FBRSL1: variants seen among roughly 807,000 people sequenced by gnomAD.
FBRSL1 encodes fibrosin-1-like protein.
FBRSL1 carries 51 observed loss-of-function variants against 89.6 expected under a neutral mutation model. The observed-to-expected ratio is 0.57, with a 90% confidence interval of 0.45 to 0.72. The LOEUF is 0.72. Ranked by LOEUF, FBRSL1 falls within the 30% of genes least tolerant of loss-of-function variation. The pLI is 0.00. For synonymous variants in FBRSL1, 779 were observed against 681.1 expected (o/e 1.14, Z -2.24); for missense variants, 1,618 against 1,451.8 (o/e 1.11, Z -1.86).
At chr12:132,496,120 T>G in intron 1 of FBRSL1, among the ~76,000 whole-genome samples, 1 of 152,250 alleles carries the variant, frequency 6.6e-6, no homozygotes, top group East Asian at 1.9e-4. Context: ...ACCTTCGCGT[T>G]TGGGGCCTGG....
At chr12:132,493,190 C>A (rs1341577009) in intron 1 of FBRSL1, among the ~76,000 whole-genome samples, 1 of 152,236 alleles carries the variant, frequency 6.6e-6, no homozygotes, top group African/African-American at 2.4e-5. Flanking sequence ...ACACGGGACA[C>A]CGAGGGAGAT....
At position 132,546,918 on chromosome 12, in the gene FBRSL1, C is replaced by T. The variant is rs1478756459; in HGVS notation, c.616-1085C>T. On this transcript the variant is annotated intron_variant, in intron 4 of 18. Coordinates refer to ENST00000680143, the MANE Select transcript of FBRSL1 (RefSeq NM_001367871.1). The surrounding 1 kb of genome is among the most constrained non-coding windows in gnomAD (Gnocchi z 4.0). ...CGGCTGCACATGGAGGGTGGCTGTG[C>T]GTTTGGTTCCCTGCATTAACCCAGT... Among the ~76,000 whole-genome samples, 1 of 152,228 alleles carries T rather than the reference C, an allele frequency of 6.6e-6. No homozygotes were observed. The highest frequency in any genetic ancestry group is 1.5e-5 in the Non-Finnish European group (1 of 68,042).
intron 9 of FBRSL1, 59 bp downstream of exon 9, chr12:132,571,290 C>A: frequency 3.3e-6 from 5 of 1,515,726 alleles, no homozygotes; most frequent in Non-Finnish European, 4.5e-6. Context: ...CTGTCTCTCT[C>A]TCTTTTTCTC....
chr12:132,501,241 G>A (rs549732661), intron 1 of FBRSL1, among the ~76,000 whole-genome samples: 12 of 152,340 alleles, frequency 7.9e-5, no homozygotes, highest in Admixed American at 2.6e-4. Flanking sequence ...CCCAGGGGTC[G>A]TCAGTTCTGT....
intron 5 of FBRSL1, among the ~76,000 whole-genome samples, chr12:132,548,945 C>G (rs1335373161): frequency 6.6e-6 from 1 of 152,226 alleles, no homozygotes; most frequent in Non-Finnish European, 1.5e-5. Flanking sequence ...ATGAATGGAA[C>G]AGTTCCATGA....
intron 5 of FBRSL1, among the ~76,000 whole-genome samples, chr12:132,557,675 C>G (rs116379402): frequency 6.6e-6 from 1 of 152,204 alleles, no homozygotes; most frequent in Non-Finnish European, 1.5e-5. Flanking sequence ...AGAGAGGAGC[C>G]GGCCACATTG....
chr12:132,550,427 G>A (rs981656339), intron 5 of FBRSL1, among the ~76,000 whole-genome samples: 4 of 152,202 alleles, frequency 2.6e-5, no homozygotes, highest in African/African-American at 4.8e-5. Flanking sequence ...GCACGGTGCT[G>A]GCAGAGTGGG....
chr12:132,528,251 G>T (rs2035965613), intron 4 of FBRSL1, among the ~76,000 whole-genome samples: 1 of 152,212 alleles, frequency 6.6e-6, no homozygotes, highest in Non-Finnish European at 1.5e-5. Flanking sequence ...AGGGGGACGG[G>T]CTGGCCCTGT....
At chr12:132,560,854 C>T (rs1262253888) in intron 5 of FBRSL1, among the ~76,000 whole-genome samples, 1 of 152,262 alleles carries the variant, frequency 6.6e-6, no homozygotes, top group Non-Finnish European at 1.5e-5. Flanking sequence ...CTGCTCGTGC[C>T]TGGGTCACGT....
At chr12:132,556,215 T>C (rs1304371201) in intron 5 of FBRSL1, among the ~76,000 whole-genome samples, 1 of 152,150 alleles carries the variant, frequency 6.6e-6, no homozygotes. Flanking sequence ...GAACACACGC[T>C]TCTCCGGGCT....
In FBRSL1 at chr12:132,574,114, C is replaced by G; in HGVS notation, c.1555C>G (p.Arg519Gly). ...PKTSSPIEVA[R>G]RAGAVHTLLQ... Reference sequence around the variant, plus strand: ...GACTTCAAGCCCCATTGAGGTGGCCCGCCGGGCTGGTGCGGTTCACACACT... The same window carrying G: ...GACTTCAAGCCCCATTGAGGTGGCCGGCCGGGCTGGTGCGGTTCACACACT... The change falls in exon 12 of 19, where the codon CGC (arginine) becomes GGC (glycine). Residue 519 changes from arginine to glycine, a missense_variant. Physicochemically the swap from Arg to Gly is moderately radical, Grantham distance 125. Transcript: ENST00000680143. 7.4e-7 allele frequency: 1 copy of G among 1,356,610 alleles called. No individual in the cohort carries two copies. Among genetic ancestry groups the G allele is most frequent in the Non-Finnish European group, 9.4e-7 (1 of 1,059,698 alleles). The allele number at this position is 1,356,610 out of a possible 1,614,324, so 84.0% of individuals were successfully genotyped here. A position where few individuals can be genotyped will look rare whatever the true frequency, so the allele number is the denominator to read the frequency against.
At chr12:132,569,260 G>C (rs1292750371) in intron 6 of FBRSL1, among the ~76,000 whole-genome samples, 1 of 151,416 alleles carries the variant, frequency 6.6e-6, no homozygotes, top group Non-Finnish European at 1.5e-5. Flanking sequence ...CACAGGACCT[G>C]CGGGGGACGT....
intron 5 of FBRSL1, chr12:132,552,296 G>A (rs2038235060): frequency 6.4e-6 from 1 of 155,582 alleles, no homozygotes; most frequent in South Asian, 1.9e-4. Flanking sequence ...CGTCACTGAA[G>A]TTCGTAGGTT....
At chr12:132,555,158 T>C (rs544975141) in intron 5 of FBRSL1, among the ~76,000 whole-genome samples, 5 of 152,236 alleles carry the variant, frequency 3.3e-5, no homozygotes, top group Admixed American at 1.3e-4. Flanking sequence ...TTCAATGCAT[T>C]TGGGGGAGGT....
chr12:132,560,765 C>T (rs2039054827), intron 5 of FBRSL1, among the ~76,000 whole-genome samples: 1 of 152,248 alleles, frequency 6.6e-6, no homozygotes, highest in Admixed American at 6.5e-5. Context: ...GACCCTGAGC[C>T]TGCGGACCCG....
At chr12:132,540,541 C>T (rs1183558213) in intron 4 of FBRSL1, among the ~76,000 whole-genome samples, 2 of 151,620 alleles carry the variant, frequency 1.3e-5, no homozygotes, top group East Asian at 2.0e-4. Context: ...CACACTGTCT[C>T]CTGCACCCAA....
intron 1 of FBRSL1, among the ~76,000 whole-genome samples, chr12:132,501,179 C>T (rs987825159): frequency 2.0e-5 from 3 of 152,172 alleles, no homozygotes; most frequent in Non-Finnish European, 4.4e-5. Flanking sequence ...AGAAGTGGGT[C>T]GGCCTCGTGG....
At chr12:132,557,094 C>T (rs2137542186) in intron 5 of FBRSL1, among the ~76,000 whole-genome samples, 1 of 152,288 alleles carries the variant, frequency 6.6e-6, no homozygotes, top group South Asian at 2.1e-4. Context: ...CCTGTGTGCT[C>T]TGCACTCCTG....
intron 15 of FBRSL1, among the ~76,000 whole-genome samples, chr12:132,579,308 C>T (rs1266044136): frequency 6.6e-6 from 1 of 152,188 alleles, no homozygotes; most frequent in Non-Finnish European, 1.5e-5. Context: ...AAGAGGGATT[C>T]GTACGTCATC....
Sources: gnomAD v4.1 joint callset for allele counts (sites outside exome capture counted in the v4.1 genomes callset) on GRCh38, gnomAD v4.1.1 for gene constraint, Gnocchi (gnomAD v3.1) non-coding constraint, MANE v1.5 for transcripts, NCBI Gene and HGNC (gene_info 2026-07-23, HGNC 2026-07-21) for gene names.